The following DHRS4L2 variants were observed in gnomAD, a reference collection of about 807,000 sequenced individuals.
DHRS4L2 encodes dehydrogenase/reductase 4 like 2, also known as dehydrogenase/reductase SDR family member 4-like 2.
In DHRS4L2, 22 loss-of-function variants were observed where a neutral mutation model predicts 23.9. The observed-to-expected ratio is 0.92, with a 90% CI of 0.66 to 1.31. The LOEUF (loss-of-function observed/expected upper bound fraction) is 1.31. DHRS4L2 is among the 40% of genes most tolerant of loss of function. The probability of loss-of-function intolerance (pLI) is 0.00; values close to 1 mark genes in which losing one functional copy is unlikely to be tolerated. For synonymous variants in DHRS4L2, 141 were observed against 123.7 expected (o/e 1.14, Z -0.93); for missense variants, 385 against 303.3 (o/e 1.27, Z -2.00).
chr14:23,986,390 G>A (rs1422061718), upstream of DHRS4L2, among the ~76,000 whole-genome samples: 1 of 151,162 alleles, frequency 6.6e-6, no homozygotes, highest in African/African-American at 2.4e-5. Flanking sequence ...GATAGCATTA[G>A]GAGGAATACC....
At chr14:23,986,356 C>T (rs1035372603), upstream of DHRS4L2, among the ~76,000 whole-genome samples, 1 of 151,134 alleles carries the variant, frequency 6.6e-6, no homozygotes, top group African/African-American at 2.4e-5. Flanking sequence ...TGGGGCCTGT[C>T]GTGGGGTGCA....
At chr14:23,989,931 T>C (rs1356431231) in intron 1 of DHRS4L2, among the ~76,000 whole-genome samples, 1 of 151,680 alleles carries the variant, frequency 6.6e-6, no homozygotes, top group Non-Finnish European at 1.5e-5. Context: ...CTGTCACCCG[T>C]GGTGGGAACT....
chr14:23,970,031 C>G, exon 1 of DHRS4L2: 1 of 456,134 alleles, frequency 2.2e-6, no homozygotes, highest in Non-Finnish European at 4.4e-6. Context: ...CTAGCATGTG[C>G]GGCTGCTCCA....
rs764699848 is a variant in DHRS4L2 at position 23,990,243 on chromosome 14, C to T, written c.190C>T (p.Arg64Trp). Residue 64 changes from arginine (R) to tryptophan (W), a missense_variant, in exon 2 of 8, where the codon CGG becomes TGG. Transcript: ENST00000335125. ...CAGGGCCCACGTGGTCGTCAGCAGC[C>T]GGAAGCAGCAGAATGTGGACCAGGC... Reference protein sequence around the residue: ...QDRAHVVVSSRKQQNVDQAVA... With the variant: ...QDRAHVVVSSWKQQNVDQAVA... 4.0e-5 allele frequency: 65 copies of T among 1,612,714 alleles called. 1 individual carries two copies. The highest frequency in any genetic ancestry group is 3.9e-5 in the Non-Finnish European group (46 of 1,179,384).
chr14:23,983,561 A>G (rs951526479), intron 1 of DHRS4L2, among the ~76,000 whole-genome samples: 2 of 151,666 alleles, frequency 1.3e-5, no homozygotes, highest in Non-Finnish European at 2.9e-5. Flanking sequence ...AAATCATTCT[A>G]CTATAAAGAC....
chr14:23,991,392 C>A (rs141047260), intron 2 of DHRS4L2, among the ~76,000 whole-genome samples: 3 of 151,776 alleles, frequency 2.0e-5, no homozygotes, highest in Non-Finnish European at 4.4e-5. Context: ...TGGAAGGAGC[C>A]GTTTGGGAGT....
intron 3 of DHRS4L2, among the ~76,000 whole-genome samples, chr14:23,999,356 A>C (rs540917387): frequency 1.4e-5 from 2 of 138,444 alleles, no homozygotes; most frequent in Admixed American, 7.3e-5. Flanking sequence ...AAAAAAAAAA[A>C]AAAAAAAAAA....
At chr14:23,983,522 C>T (rs112663076) in intron 1 of DHRS4L2, among the ~76,000 whole-genome samples, 1 of 151,774 alleles carries the variant, frequency 6.6e-6, no homozygotes, top group East Asian at 1.9e-4. Context: ...CCAGCAATCC[C>T]ATTACTGGGT....
At chr14:23,989,106 C>G (rs749340694) in intron 1 of DHRS4L2, 31 bp downstream of exon 1, 5 of 1,551,240 alleles carry the variant, frequency 3.2e-6, no homozygotes, top group Non-Finnish European at 4.4e-6. Flanking sequence ...TTCTGAGGCC[C>G]TGGCTGCCTG....
chr14:24,001,085 G>A lies in DHRS4L2; in HGVS notation c.531+1G>A, dbSNP rs745501085. 3.1e-6 allele frequency: 5 copies of A among 1,610,656 alleles called. No individual in the cohort carries two copies. The highest frequency in any genetic ancestry group is 2.7e-5 in the African/African-American group (2 of 72,990). ...CATAGCAGCCTTCAGTCCATCTCCT[G>A]TAAGAACCCTTTTGTCTACCTCTTC... is the stretch of plus-strand genomic sequence containing the variant. On this transcript the variant is annotated splice_donor_variant, in intron 5 of 7. Transcript: ENST00000335125. LOFTEE classifies it high-confidence loss of function.
At chr14:23,986,370 A>G (rs1255551540), upstream of DHRS4L2, among the ~76,000 whole-genome samples, 3 of 151,352 alleles carry the variant, frequency 2.0e-5, 1 homozygote, top group African/African-American at 7.3e-5. Flanking sequence ...GGGTGCAGGC[A>G]TGGGGAAGGG....
At chr14:23,986,519 AAG>A (rs1378249124), upstream of DHRS4L2, among the ~76,000 whole-genome samples, 117 of 144,584 alleles carry the variant, frequency 8.1e-4, no homozygotes, top group South Asian at 2.2e-3. Flanking sequence ...AAAAAAAAAA[AAG>A]AAAGAAAGAA....
At chr14:23,986,949 T>A (rs2034157335), upstream of DHRS4L2, among the ~76,000 whole-genome samples, 1 of 151,432 alleles carries the variant, frequency 6.6e-6, no homozygotes, top group Non-Finnish European at 1.5e-5. Flanking sequence ...CCAGTCAGAG[T>A]CAGCTTTGCC....
intron 3 of DHRS4L2, 32 bp downstream of exon 3, chr14:23,995,165 G>A: frequency 2.5e-6 from 4 of 1,606,278 alleles, no homozygotes; most frequent in Non-Finnish European, 3.4e-6. Context: ...GCGGAAGGGG[G>A]CCTCGGGACA....
At chr14:23,999,345 A>T (rs999197427) in intron 3 of DHRS4L2, among the ~76,000 whole-genome samples, 15 of 46,378 alleles carry the variant, frequency 3.2e-4, no homozygotes, top group Non-Finnish European at 5.7e-4. Flanking sequence ...TCCAATTTGT[A>T]AAAAAAAAAA....
At position 23,991,781 on chromosome 14, in the gene DHRS4L2, G is replaced by C. The variant is rs546727904; in HGVS notation, c.306+1422G>C. ...GACAGAGTTTCATTCTTGTTGCCCAGGCTGAAGTGATATGGCACAATCTCA... is the reference window on the plus strand; with the variant it reads ...GACAGAGTTTCATTCTTGTTGCCCACGCTGAAGTGATATGGCACAATCTCA... On this transcript the variant is annotated intron_variant, in intron 2 of 7. Coordinates refer to ENST00000335125, the MANE Select transcript of DHRS4L2 (RefSeq NM_198083.4). 1.2e-3 allele frequency among the ~76,000 whole-genome samples: 183 copies of C among 149,006 alleles called. 1 individual carries two copies. The highest frequency in any genetic ancestry group is 3.7e-3 in the African/African-American group (148 of 40,382).
At chr14:23,982,196 G>A (rs368386298) in intron 1 of DHRS4L2, among the ~76,000 whole-genome samples, 45 of 151,740 alleles carry the variant, frequency 3.0e-4, no homozygotes, top group East Asian at 7.7e-4. Flanking sequence ...GCGGCTTTCC[G>A]CAGTGCATTG....
intron 2 of DHRS4L2, among the ~76,000 whole-genome samples, chr14:23,994,808 C>T (rs1284426723): frequency 2.0e-5 from 3 of 151,732 alleles, no homozygotes; most frequent in African/African-American, 7.2e-5. Flanking sequence ...CTTTTGTTGT[C>T]ATTGTTGTTG....
At position 24,004,377 on chromosome 14, in the gene DHRS4L2, C is replaced by A. The variant is rs781587428; in HGVS notation, c.*7C>A. 36 of 1,602,376 alleles carry A rather than the reference C, an allele frequency of 2.2e-5. 1 individual carries two copies. The Admixed American group carries it at 2.9e-4, about 13-fold the overall frequency. On this transcript the variant is annotated 3_prime_UTR_variant, in exon 7 of 8. Transcript: ENST00000335125. The stretch of plus-strand genomic sequence containing the variant: ...GAAAAAGAGGAAAGCATGAAAGAAA[C>A]CCTGCGGATAAGAAGGTAAACTGTC...
Sources: allele counts gnomAD v4.1 joint callset (sites outside exome capture counted in the v4.1 genomes callset), GRCh38; gene constraint gnomAD v4.1.1; transcripts MANE v1.5; gene names NCBI Gene and HGNC (gene_info 2026-07-23, HGNC 2026-07-21).